The following PTPRD variants were observed in gnomAD, a reference collection of about 807,000 sequenced individuals.
PTPRD encodes receptor-type tyrosine-protein phosphatase delta.
In PTPRD, 34 loss-of-function variants were observed where a neutral mutation model predicts 214.5. That is an observed-to-expected ratio of 0.16 (90% CI 0.12 to 0.21). The LOEUF (loss-of-function observed/expected upper bound fraction) is 0.21, where lower values mean the gene tolerates loss of function less well. PTPRD is among the 10% of genes least tolerant of loss of function. The pLI, the probability that PTPRD is intolerant of heterozygous loss-of-function variation, is 1.00. For missense variants in PTPRD, 2,545 were observed against 2,398.7 expected (o/e 1.06, Z -1.27); for synonymous variants, 1,128 against 845.7 (o/e 1.33, Z -5.79).
At chr9:10,506,154 G>A (rs1315556780) in intron 2 of PTPRD, among the ~76,000 whole-genome samples, 2 of 152,058 alleles carry the variant, frequency 1.3e-5, no homozygotes, top group African/African-American at 4.8e-5. Flanking sequence ...GAATCCAGAA[G>A]AACAGATGGG....
intron 39 of PTPRD, among the ~76,000 whole-genome samples, chr9:8,353,864 A>ATGTATATATG (rs1564200622): frequency 3.9e-5 from 4 of 102,894 alleles, no homozygotes; most frequent in South Asian, 3.4e-4. Context: ...ATGTGTATAT[A>ATGTATATATG]TGTATATATG....
chr9:9,845,459 T>C (rs768907515), intron 5 of PTPRD, among the ~76,000 whole-genome samples: 4 of 151,778 alleles, frequency 2.6e-5, no homozygotes, highest in Admixed American at 6.6e-5. Flanking sequence ...AAGTGAATTA[T>C]AGAAGCTCAT....
chr9:9,038,277 G>T (rs1446291893), intron 10 of PTPRD, among the ~76,000 whole-genome samples: 1 of 152,106 alleles, frequency 6.6e-6, no homozygotes, highest in African/African-American at 2.4e-5. Context: ...GCCCAGATGG[G>T]CAGCTGGGAC....
At chr9:10,238,373 A>G (rs1231521204) in intron 3 of PTPRD, among the ~76,000 whole-genome samples, 1 of 151,854 alleles carries the variant, frequency 6.6e-6, no homozygotes, top group Non-Finnish European at 1.5e-5. Flanking sequence ...CAGTTCCTGA[A>G]AAACTTTACT....
At chr9:9,990,097 G>T (rs1279851808) in intron 4 of PTPRD, among the ~76,000 whole-genome samples, 2 of 152,156 alleles carry the variant, frequency 1.3e-5, no homozygotes, top group Non-Finnish European at 2.9e-5. Context: ...ACAGGGGAGA[G>T]GATTCAACCA....
chr9:9,789,250 A>G (rs1230143359), intron 5 of PTPRD, among the ~76,000 whole-genome samples: 2 of 152,296 alleles, frequency 1.3e-5, no homozygotes, highest in East Asian at 3.9e-4. Flanking sequence ...ATTAATATAC[A>G]TCCAAGGTAA....
At chr9:10,602,981 C>A (rs2078362357) in intron 2 of PTPRD, among the ~76,000 whole-genome samples, 1 of 151,760 alleles carries the variant, frequency 6.6e-6, no homozygotes, top group Non-Finnish European at 1.5e-5. Context: ...ATGAGGTGAA[C>A]TAACTCAAAA....
chr9:9,591,946 GGT>G (rs2092773182), intron 7 of PTPRD, among the ~76,000 whole-genome samples: 1 of 151,844 alleles, frequency 6.6e-6, no homozygotes, highest in African/African-American at 2.4e-5. Context: ...CCCAATCACC[GGT>G]CTCTCTCCAT....
intron 6 of PTPRD, among the ~76,000 whole-genome samples, chr9:9,748,057 G>A (rs184066096): frequency 6.6e-6 from 1 of 152,200 alleles, no homozygotes; most frequent in East Asian, 1.9e-4. Flanking sequence ...GAACTGAATG[G>A]CATCTCAGCA....
chr9:9,951,899 A>T (rs1011843344), intron 4 of PTPRD, among the ~76,000 whole-genome samples: 1 of 152,248 alleles, frequency 6.6e-6, no homozygotes, highest in Non-Finnish European at 1.5e-5. Context: ...ATTGATACCC[A>T]TCATTTACTC....
At chr9:10,236,390 T>C (rs1024483434) in intron 3 of PTPRD, among the ~76,000 whole-genome samples, 2 of 151,994 alleles carry the variant, frequency 1.3e-5, no homozygotes, top group African/African-American at 2.4e-5. Context: ...AGGCTTAAAA[T>C]GGATGACTTC....
intron 10 of PTPRD, among the ~76,000 whole-genome samples, chr9:9,121,753 C>T (rs2099817838): frequency 6.6e-6 from 1 of 152,032 alleles, no homozygotes; most frequent in Non-Finnish European, 1.5e-5. Flanking sequence ...GCATCAGGTT[C>T]TCACAAATCT....
At chr9:9,449,040 G>A (rs946906727) in intron 8 of PTPRD, among the ~76,000 whole-genome samples, 3 of 152,038 alleles carry the variant, frequency 2.0e-5, no homozygotes, top group African/African-American at 4.8e-5. Flanking sequence ...TGTTATTAAT[G>A]AAATGGAAAA....
At chr9:9,498,048 G>A (rs1187269250) in intron 8 of PTPRD, among the ~76,000 whole-genome samples, 3 of 152,094 alleles carry the variant, frequency 2.0e-5, no homozygotes, top group Non-Finnish European at 2.9e-5. Flanking sequence ...CATTCAAAGG[G>A]ATCTTTAAGT....
intron 4 of PTPRD, among the ~76,000 whole-genome samples, chr9:9,946,460 GC>G (rs1338103055): frequency 6.6e-6 from 1 of 152,102 alleles, no homozygotes; most frequent in East Asian, 1.9e-4. Context: ...CTTCAAAGTA[GC>G]TGCAAAATAA....
chr9:8,879,457 A>G (rs1358969643), intron 11 of PTPRD, among the ~76,000 whole-genome samples: 1 of 152,130 alleles, frequency 6.6e-6, no homozygotes, highest in Non-Finnish European at 1.5e-5. Flanking sequence ...ACTGCAAAAC[A>G]CTAGAAGCAC....
rs10978132 is a variant in PTPRD, at chr9:9,954,811, A to G, written c.-471-16201T>C. 1.3e-3 allele frequency among the ~76,000 whole-genome samples: 192 copies of G among 152,318 alleles called. 1 individual carries two copies. In the East Asian group the frequency reaches 0.033, roughly 26 times the overall value. ...AGATACAAGTAACTATATATACAATATAAGTAGAATTTTCCTTCAAATGGC... is the reference window on the plus strand; with the variant it reads ...AGATACAAGTAACTATATATACAATGTAAGTAGAATTTTCCTTCAAATGGC... On this transcript the variant is annotated intron_variant, in intron 4 of 45. Transcript: ENST00000381196.
In PTPRD at chr9:8,932,816, G is replaced by A. The variant is rs553672423; in HGVS notation, c.-104+85881C>T. 2.1e-3 allele frequency among the ~76,000 whole-genome samples: 314 copies of A among 152,236 alleles called. 1 individual carries two copies. The highest frequency in any genetic ancestry group is 7.2e-3 in the African/African-American group (299 of 41,536). The stretch of plus-strand genomic sequence containing the variant: ...TCTTAGCTTGCTGGGCTCCGTGGGC[G>A]TGGAATCTGCTGAGCTAGACCACTT... On this transcript the variant is annotated intron_variant, in intron 11 of 45. Transcript: ENST00000381196.
At chr9:9,753,513 A>T (rs2098541704) in intron 6 of PTPRD, among the ~76,000 whole-genome samples, 1 of 152,020 alleles carries the variant, frequency 6.6e-6, no homozygotes, top group South Asian at 2.1e-4. Context: ...TTTACCATTT[A>T]AAAACACTAG....
Sources: allele counts gnomAD v4.1 joint callset (sites outside exome capture counted in the v4.1 genomes callset), GRCh38; gene constraint gnomAD v4.1.1; transcripts MANE v1.5; gene names NCBI Gene and HGNC (gene_info 2026-07-23, HGNC 2026-07-21).